KCNQ5: variants seen among roughly 807,000 people sequenced by gnomAD.
The protein encoded by KCNQ5 is potassium voltage-gated channel subfamily KQT member 5.
A neutral mutation model predicts 98.2 loss-of-function variants in KCNQ5; 30 were observed. The ratio of observed to expected loss-of-function variants is 0.31; its 90% CI spans 0.23 to 0.41. The LOEUF is 0.41. Among genes scored for constraint, KCNQ5 ranks in the 10% least tolerant of loss-of-function variants. KCNQ5 has a pLI of 1.00. For synonymous variants in KCNQ5, 458 were observed against 449.4 expected (o/e 1.02, Z -0.24); for missense variants, 835 against 1,182.5 (o/e 0.71, Z 4.31).
Position 72,930,788 on chromosome 6 carries a change from TG to T in KCNQ5, c.399-73118del, listed in dbSNP as rs534602664. 1.4e-3 allele frequency among the ~76,000 whole-genome samples: 209 copies of T among 152,270 alleles called. 2 individuals carry two copies. The highest frequency in any genetic ancestry group is 4.3e-3 in the African/African-American group (177 of 41,580). ...ACTTAACAAATGTTCGCACCAGCTG[TG>T]GAAGTGATTGAAGGCAATAAATGAA... On this transcript the variant is annotated intron_variant, in intron 1 of 13. Transcript: ENST00000370398.
intron 1 of KCNQ5, among the ~76,000 whole-genome samples, chr6:72,758,333 A>G (rs768187117): frequency 2.6e-5 from 4 of 152,026 alleles, no homozygotes; most frequent in Non-Finnish European, 5.9e-5. Context: ...TGTTCATCTA[A>G]TGCGCTTTAA....
At chr6:72,847,009 G>C (rs887277609) in intron 1 of KCNQ5, among the ~76,000 whole-genome samples, 5 of 152,026 alleles carry the variant, frequency 3.3e-5, no homozygotes, top group African/African-American at 1.2e-4. Context: ...TCCACATTCT[G>C]TGCTAGGGGA....
At chr6:72,941,531 CTTCCCTCCTTCCTTTCCTT>C in intron 1 of KCNQ5, among the ~76,000 whole-genome samples, 5 of 141,840 alleles carry the variant, frequency 3.5e-5, no homozygotes, top group South Asian at 4.8e-4. Flanking sequence ...TTCCTTCCTC[CTTCCCTCCTTCCTTTCCTT>C]CTTCCCTCCC....
intron 1 of KCNQ5, among the ~76,000 whole-genome samples, chr6:72,971,512 T>G (rs1014425375): frequency 1.3e-5 from 2 of 152,168 alleles, no homozygotes; most frequent in African/African-American, 2.4e-5. Flanking sequence ...ACCCAAAGGA[T>G]TATAAATCAT....
intron 2 of KCNQ5, among the ~76,000 whole-genome samples, chr6:73,033,251 C>T (rs1771231506): frequency 6.6e-6 from 1 of 152,038 alleles, no homozygotes; most frequent in South Asian, 2.1e-4. Context: ...AATTTATGGC[C>T]TCAATACCTG....
chr6:72,879,190 C>T (rs10943070), intron 1 of KCNQ5, among the ~76,000 whole-genome samples: 3 of 151,910 alleles, frequency 2.0e-5, no homozygotes, highest in African/African-American at 7.3e-5. Flanking sequence ...TAGATATTGA[C>T]AAATCACCTT....
At chr6:73,171,475 C>G (rs1490686683) in intron 11 of KCNQ5, among the ~76,000 whole-genome samples, 1 of 152,120 alleles carries the variant, frequency 6.6e-6, no homozygotes, top group Non-Finnish European at 1.5e-5. Flanking sequence ...ATGTCTGAAG[C>G]CTTCAGTTAA....
At chr6:73,134,067 C>T (rs181488231) in intron 10 of KCNQ5, 2 of 457,952 alleles carry the variant, frequency 4.4e-6, no homozygotes, top group Middle Eastern at 3.3e-4. Flanking sequence ...TTCTGGTCAA[C>T]AATGAAGGTG....
At chr6:72,770,732 C>A (rs932309985) in intron 1 of KCNQ5, among the ~76,000 whole-genome samples, 1 of 151,900 alleles carries the variant, frequency 6.6e-6, no homozygotes, top group South Asian at 2.1e-4. Context: ...TATTTGCATG[C>A]GAATATCATT....
intron 1 of KCNQ5, among the ~76,000 whole-genome samples, chr6:72,795,161 A>G (rs931204748): frequency 2.0e-5 from 3 of 152,206 alleles, no homozygotes; most frequent in Admixed American, 1.3e-4. Flanking sequence ...CAAAAATTAA[A>G]AAAAGGGGGG....
intron 3 of KCNQ5, among the ~76,000 whole-genome samples, chr6:73,069,785 G>A (rs1021616322): frequency 1.3e-5 from 2 of 152,154 alleles, no homozygotes; most frequent in Non-Finnish European, 2.9e-5. Context: ...TGAATGCCAG[G>A]TAGCAGAATT....
At chr6:72,905,479 T>C (rs544619244) in intron 1 of KCNQ5, among the ~76,000 whole-genome samples, 17 of 152,298 alleles carry the variant, frequency 1.1e-4, no homozygotes, top group African/African-American at 4.1e-4. Flanking sequence ...AGTGTTGGTT[T>C]TCTGGTTCCT....
chr6:72,661,221 A>G (rs1430498395), intron 1 of KCNQ5, among the ~76,000 whole-genome samples: 2 of 151,998 alleles, frequency 1.3e-5, no homozygotes, highest in Admixed American at 6.6e-5. Flanking sequence ...CTATGTAATT[A>G]TTATTTATAT....
intron 1 of KCNQ5, among the ~76,000 whole-genome samples, chr6:72,944,939 G>A (rs1038066307): frequency 2.0e-5 from 3 of 152,188 alleles, no homozygotes; most frequent in Non-Finnish European, 4.4e-5. Context: ...AATAGATGCT[G>A]AGGCTTTCAA....
At chr6:73,153,970 A>G (rs1242145276) in intron 10 of KCNQ5, among the ~76,000 whole-genome samples, 1 of 139,294 alleles carries the variant, frequency 7.2e-6, no homozygotes, top group Non-Finnish European at 1.5e-5. Flanking sequence ...AAATGCAATT[A>G]CCTGTTCAAA....
At chr6:72,930,797 T>C (rs1304434166) in intron 1 of KCNQ5, among the ~76,000 whole-genome samples, 4 of 152,162 alleles carry the variant, frequency 2.6e-5, no homozygotes, top group South Asian at 4.1e-4. Flanking sequence ...GTGGAAGTGA[T>C]TGAAGGCAAT....
intron 1 of KCNQ5, among the ~76,000 whole-genome samples, chr6:72,734,517 T>C (rs1418397223): frequency 6.6e-6 from 1 of 152,148 alleles, no homozygotes; most frequent in Non-Finnish European, 1.5e-5. Context: ...AGACGGGGTT[T>C]CGACTAGTAT....
At chr6:72,844,281 A>G (rs1191820044) in intron 1 of KCNQ5, among the ~76,000 whole-genome samples, 3 of 152,212 alleles carry the variant, frequency 2.0e-5, no homozygotes, top group East Asian at 1.9e-4. Flanking sequence ...TTATAGATGT[A>G]AAAAAGCTTT....
intron 1 of KCNQ5, among the ~76,000 whole-genome samples, chr6:72,751,230 G>C (rs1771666650): frequency 1.3e-5 from 2 of 151,688 alleles, no homozygotes; most frequent in Non-Finnish European, 2.9e-5. Context: ...CAGGAAAAGG[G>C]TACAGTGTGA....
Sources: gnomAD v4.1 joint callset for allele counts (sites outside exome capture counted in the v4.1 genomes callset) on GRCh38, gnomAD v4.1.1 for gene constraint, MANE v1.5 for transcripts, NCBI Gene and HGNC (gene_info 2026-07-23, HGNC 2026-07-21) for gene names.